Variants in ZMPSTE24 observed in about 807,000 individuals in gnomAD.
ZMPSTE24 encodes the protein CAAX prenyl protease 1 homolog.
Under a neutral mutation model 56.7 loss-of-function variants are expected in ZMPSTE24, and 48 were observed. The observed-to-expected ratio is 0.85, with a 90% CI of 0.67 to 1.08. The LOEUF (loss-of-function observed/expected upper bound fraction) is 1.08. ZMPSTE24 is among the 50% of genes least tolerant of loss of function. The pLI is 0.00. For missense variants in ZMPSTE24, 503 were observed against 548.7 expected (o/e 0.92, Z 0.83); for synonymous variants, 172 against 195.2 (o/e 0.88, Z 0.99).
intron 8 of ZMPSTE24, among the ~76,000 whole-genome samples, chr1:40,286,728 CTT>C (rs34496576): frequency 1.9e-4 from 24 of 123,146 alleles, no homozygotes; most frequent in African/African-American, 1.2e-4. Flanking sequence ...CCCTAAAATG[CTT>C]TTTTTTTTTT....
chr1:40,264,929 C>T (rs1643534735), intron 2 of ZMPSTE24, among the ~76,000 whole-genome samples: 1 of 148,104 alleles, frequency 6.8e-6, no homozygotes, highest in African/African-American at 2.5e-5. Context: ...TATGTCAAAG[C>T]GCTGGAATTA....
chr1:40,258,435 C>T (rs1643461117), intron 1 of ZMPSTE24, 41 bp downstream of exon 1: 1 of 1,613,246 alleles, frequency 6.2e-7, no homozygotes, highest in Admixed American at 1.7e-5. Flanking sequence ...CATACCCGGC[C>T]AGCCCTGGAG....
At chr1:40,269,878 A>G (rs944835563) in intron 4 of ZMPSTE24, 97 bp from the exon 5 acceptor site, 2 of 1,407,314 alleles carry the variant, frequency 1.4e-6, no homozygotes, top group Non-Finnish European at 1.9e-6. Flanking sequence ...AATTTTAAAA[A>G]TTGCTTTAAT....
intron 7 of ZMPSTE24, among the ~76,000 whole-genome samples, chr1:40,283,505 A>T (rs920092653): frequency 1.9e-4 from 27 of 141,496 alleles, no homozygotes; most frequent in African/African-American, 6.3e-4. Context: ...ACCCTGTCTT[A>T]AAAAAAAAAA....
At chr1:40,292,339 A>T in intron 9 of ZMPSTE24, 106 bp from the exon 10 acceptor site, 1 of 1,039,102 alleles carries the variant, frequency 9.6e-7, no homozygotes, top group Non-Finnish European at 1.5e-6. Flanking sequence ...TTGTCCTGCC[A>T]TTCCTCTTAT....
At chr1:40,279,008 G>A (rs1643700846) in intron 6 of ZMPSTE24, among the ~76,000 whole-genome samples, 1 of 152,146 alleles carries the variant, frequency 6.6e-6, no homozygotes, top group African/African-American at 2.4e-5. Context: ...GGGCATGGTG[G>A]TATGTGTCTG....
chr1:40,289,594 G>A (rs1258880334), intron 8 of ZMPSTE24, among the ~76,000 whole-genome samples: 1 of 152,138 alleles, frequency 6.6e-6, no homozygotes, highest in Non-Finnish European at 1.5e-5. Flanking sequence ...ACAGCTTCTT[G>A]GGTCATCTCG....
At position 40,290,880 on chromosome 1, in the gene ZMPSTE24, A is replaced by G. The variant is rs369946970; in HGVS notation, c.1086A>G (p.Leu362=). ...SQMNSFLCFF[L]FAVLIGRKEL... ...TGAATTCTTTCCTGTGTTTTTTTTT[A>G]TTTGCTGTATTAATTGGTCGAAAGG... Residue 362 remains leucine, a synonymous_variant, in exon 9 of 10, where the codon TTA becomes TTG. Transcript: ENST00000372759. 297 of 1,611,050 alleles carry G rather than the reference A, an allele frequency of 1.8e-4. 1 individual carries two copies. Among genetic ancestry groups the G allele is most frequent in the Non-Finnish European group, 1.8e-4 (211 of 1,178,986 alleles).
In ZMPSTE24 at chr1:40,285,969, A is replaced by G. The variant is rs777853449; in HGVS notation, c.999A>G (p.Leu333=). 1.9e-6 allele frequency: 3 copies of G among 1,614,142 alleles called. No homozygotes were observed. Among genetic ancestry groups the G allele is most frequent in the Admixed American group, 1.7e-5 (1 of 60,022 alleles). The change falls in exon 8 of 10, where the codon CTA becomes CTG. Residue 333 remains leucine (L), a synonymous_variant. Coordinates refer to ENST00000372759, the MANE Select transcript of ZMPSTE24 (RefSeq NM_005857.5). Reference sequence around the variant, plus strand: ...AAAATGAGGAGGTACTCGCTGTACTAGGCCATGAACTGGGGCACTGGAAGT... The same window carrying G: ...AAAATGAGGAGGTACTCGCTGTACTGGGCCATGAACTGGGGCACTGGAAGT... ...GCKNEEVLAV[L]GHELGHWKLG...
intron 7 of ZMPSTE24, among the ~76,000 whole-genome samples, chr1:40,283,999 C>T (rs1373757210): frequency 2.0e-5 from 3 of 146,462 alleles, no homozygotes; most frequent in African/African-American, 7.6e-5. Context: ...AGTGCAGTGG[C>T]GCGATCTCAG....
At chr1:40,286,137 C>T in intron 8 of ZMPSTE24, 108 bp downstream of exon 8, 1 of 977,104 alleles carries the variant, frequency 1.0e-6, no homozygotes, top group Non-Finnish European at 1.6e-6. Flanking sequence ...CACAGCCAGG[C>T]TACCTGGTTT....
intron 4 of ZMPSTE24, among the ~76,000 whole-genome samples, chr1:40,268,873 C>T (rs1180333004): frequency 6.0e-5 from 9 of 149,878 alleles, no homozygotes; most frequent in Non-Finnish European, 1.3e-4. Context: ...GTCAGGAGAT[C>T]GAGGCCATCC....
chr1:40,260,863 C>T lies in ZMPSTE24; in HGVS notation c.148C>T (p.His50Tyr). Reference sequence around the variant, plus strand: ...GAGAAGGATATATAAAACAACAACTCATGTACCACCGGAGTTAGGACAGAT... The same window carrying T: ...GAGAAGGATATATAAAACAACAACTTATGTACCACCGGAGTTAGGACAGAT... Reference protein sequence around the residue: ...RQRRIYKTTTHVPPELGQIMD... With the variant: ...RQRRIYKTTTYVPPELGQIMD... Residue 50 changes from histidine (H) to tyrosine (Y), a missense_variant, in exon 2 of 10, where the codon CAT becomes TAT. By Grantham distance (83) the His-to-Tyr change is moderately conservative (BLOSUM62 2). Transcript: ENST00000372759. The T allele has an allele frequency of 6.2e-7, 1 of 1,613,938 alleles. No homozygotes were observed. The highest frequency in any genetic ancestry group is 8.5e-7 in the Non-Finnish European group (1 of 1,179,890).
chr1:40,285,085 C>G (rs1399348840), intron 7 of ZMPSTE24, among the ~76,000 whole-genome samples: 1 of 139,700 alleles, frequency 7.2e-6, no homozygotes. Flanking sequence ...ACCACCATGC[C>G]TGGCTAATTT....
At chr1:40,268,343 A>G in intron 3 of ZMPSTE24, 76 bp from the exon 4 acceptor site, 1 of 940,130 alleles carries the variant, frequency 1.1e-6, no homozygotes, top group Non-Finnish European at 1.7e-6. Flanking sequence ...GTAGTAAGTA[A>G]GTGCTCAGCA....
intron 8 of ZMPSTE24, among the ~76,000 whole-genome samples, chr1:40,289,646 C>T (rs1643820324): frequency 6.6e-6 from 1 of 152,206 alleles, no homozygotes; most frequent in Admixed American, 6.5e-5. Flanking sequence ...AAATAAGGTA[C>T]ATGTGGCCTC....
chr1:40,288,938 C>T (rs1020592147), intron 8 of ZMPSTE24, among the ~76,000 whole-genome samples: 1 of 152,118 alleles, frequency 6.6e-6, no homozygotes, highest in African/African-American at 2.4e-5. Flanking sequence ...TTAAAGTTCA[C>T]CTCACCGAGA....
At chr1:40,267,919 T>C (rs779003152) in intron 3 of ZMPSTE24, 47 bp downstream of exon 3, 4 of 1,548,402 alleles carry the variant, frequency 2.6e-6, no homozygotes, top group South Asian at 1.1e-5. Flanking sequence ...TCTTTTAGCT[T>C]GGCAGGCTTT....
intron 1 of ZMPSTE24, 71 bp from the exon 2 acceptor site, chr1:40,260,768 G>A: frequency 2.0e-6 from 3 of 1,515,992 alleles, no homozygotes; most frequent in Middle Eastern, 1.7e-4. Context: ...TAAACCATTC[G>A]ATGTTTGATC....
Sources: gnomAD v4.1 joint callset for allele counts (sites outside exome capture counted in the v4.1 genomes callset) on GRCh38, gnomAD v4.1.1 for gene constraint, MANE v1.5 for transcripts, NCBI Gene and HGNC (gene_info 2026-07-23, HGNC 2026-07-21) for gene names.